LCMT1: variants seen among roughly 807,000 people sequenced by gnomAD.
LCMT1 encodes leucine carboxyl methyltransferase 1.
In LCMT1, 32 loss-of-function variants were observed where a neutral mutation model predicts 47.7. That is an observed-to-expected ratio of 0.67 (90% CI 0.51 to 0.90). The LOEUF (loss-of-function observed/expected upper bound fraction) is 0.90. LCMT1 is among the 40% of genes least tolerant of loss of function. The pLI is 0.00. For missense variants in LCMT1, 375 were observed against 415.2 expected, an observed-to-expected ratio of 0.90 and a Z score of 0.84; for synonymous variants, 152 against 149.7, an observed-to-expected ratio of 1.02 and a Z score of -0.11.
At chr16:25,153,464 C>T (rs550614534) in intron 5 of LCMT1, among the ~76,000 whole-genome samples, 1 of 146,388 alleles carries the variant, frequency 6.8e-6, no homozygotes, top group East Asian at 2.1e-4. Flanking sequence ...GGTGCAGACT[C>T]AGAACACACT....
At chr16:25,161,716 T>G (rs2141698782) in intron 6 of LCMT1, among the ~76,000 whole-genome samples, 1 of 152,240 alleles carries the variant, frequency 6.6e-6, no homozygotes, top group Non-Finnish European at 1.5e-5. Flanking sequence ...TAGTGCCTAA[T>G]TTCATATAAA....
chr16:25,156,527 C>G (rs144211785), intron 5 of LCMT1, among the ~76,000 whole-genome samples: 2 of 152,228 alleles, frequency 1.3e-5, no homozygotes, highest in South Asian at 4.1e-4. Context: ...TCAGTTGGGC[C>G]GTGAGGAGGA....
chr16:25,132,005 G>T (rs1469072733), intron 2 of LCMT1: 15 of 280,194 alleles, frequency 5.4e-5, no homozygotes, highest in Non-Finnish European at 7.2e-5. Context: ...TCAGTTTCCT[G>T]ACCCATACTA....
chr16:25,139,540 C>A (rs1270551544), intron 3 of LCMT1, among the ~76,000 whole-genome samples: 2 of 151,904 alleles, frequency 1.3e-5, no homozygotes, highest in Admixed American at 1.3e-4. Flanking sequence ...AAAAATATAT[C>A]AGAAAATAAT....
At chr16:25,148,183 A>G (rs1960930801) in intron 4 of LCMT1, 1 of 152,380 alleles carries the variant, frequency 6.6e-6, no homozygotes, top group African/African-American at 2.4e-5. Flanking sequence ...GCCAGCTTGG[A>G]TGGTTTCTTT....
chr16:25,135,255 G>A (rs1481217115), intron 3 of LCMT1, among the ~76,000 whole-genome samples: 4 of 150,202 alleles, frequency 2.7e-5, no homozygotes, highest in Non-Finnish European at 5.9e-5. Flanking sequence ...TGGGCTGAAG[G>A]CCTTTTTTTG....
intron 5 of LCMT1, among the ~76,000 whole-genome samples, chr16:25,157,970 TATTAGTC>T (rs1208027787): frequency 2.0e-5 from 3 of 152,212 alleles, no homozygotes; most frequent in Non-Finnish European, 4.4e-5. Context: ...CCTAACAACT[TATTAGTC>T]ATTTGAAAAA....
intron 5 of LCMT1, among the ~76,000 whole-genome samples, chr16:25,155,861 G>T (rs1165612976): frequency 1.3e-5 from 2 of 151,856 alleles, no homozygotes; most frequent in African/African-American, 4.8e-5. Flanking sequence ...TAAATTTTTT[G>T]GGGAGAGACA....
At chr16:25,174,697 C>T in intron 9 of LCMT1, 1 of 256,366 alleles carries the variant, frequency 3.9e-6, no homozygotes, top group East Asian at 7.5e-5. Context: ...CAGCCCTTTG[C>T]CACTTGAATT....
chr16:25,162,676 A>C (rs2141700249), intron 6 of LCMT1, among the ~76,000 whole-genome samples: 1 of 152,270 alleles, frequency 6.6e-6, no homozygotes, highest in East Asian at 1.9e-4. Flanking sequence ...TAGCAGTTGA[A>C]GATGCTGAAA....
At chr16:25,172,120 A>C (rs931983164) in intron 9 of LCMT1, among the ~76,000 whole-genome samples, 1 of 152,150 alleles carries the variant, frequency 6.6e-6, no homozygotes, top group Admixed American at 6.6e-5. Context: ...AGCCTGGCCA[A>C]CATGGTGAAA....
chr16:25,140,795 C>T, intron 4 of LCMT1: 1 of 153,794 alleles, frequency 6.5e-6, no homozygotes, highest in South Asian at 2.0e-4. Context: ...AGTGTTCCTT[C>T]CTGAGGTGGG....
At position 25,164,584 on chromosome 16, in the gene LCMT1, T is replaced by C; in HGVS notation, c.570-14T>C. 1.9e-6 allele frequency: 3 copies of C among 1,613,890 alleles called. No individual in the cohort carries two copies. The highest frequency in any genetic ancestry group is 1.1e-5 in the South Asian group (1 of 91,072). ...GATAACAAATTTATGTGCCTTTTTT[T>C]CCTTATCTTTAAGATTGCCAACACT... On this transcript the variant is annotated splice_polypyrimidine_tract_variant and intron_variant, in intron 6 of 10. Transcript: ENST00000399069.
intron 3 of LCMT1, among the ~76,000 whole-genome samples, chr16:25,133,844 G>A (rs1960424802): frequency 6.6e-6 from 1 of 150,812 alleles, no homozygotes; most frequent in African/African-American, 2.4e-5. Context: ...GACCAGCCTG[G>A]CCAACATGGT....
At chr16:25,168,598 A>G (rs1201127954) in intron 7 of LCMT1, among the ~76,000 whole-genome samples, 1 of 152,184 alleles carries the variant, frequency 6.6e-6, no homozygotes, top group African/African-American at 2.4e-5. Context: ...GAATTTTTCT[A>G]TGTACATAGA....
At chr16:25,155,873 G>C (rs1047028584) in intron 5 of LCMT1, among the ~76,000 whole-genome samples, 4 of 151,942 alleles carry the variant, frequency 2.6e-5, no homozygotes, top group Non-Finnish European at 4.4e-5. Context: ...GGAGAGACAG[G>C]GTCTCGCTAT....
chr16:25,160,137 C>A (rs553982553), intron 5 of LCMT1, among the ~76,000 whole-genome samples: 1 of 152,102 alleles, frequency 6.6e-6, no homozygotes, highest in East Asian at 1.9e-4. Context: ...TTAGTAGAGA[C>A]GGAGTTTTAC....
At chr16:25,162,396 C>A (rs1961457536) in intron 6 of LCMT1, among the ~76,000 whole-genome samples, 1 of 151,902 alleles carries the variant, frequency 6.6e-6, no homozygotes, top group African/African-American at 2.4e-5. Flanking sequence ...CGAGACCAGC[C>A]TGGCCAGCAT....
chr16:25,163,210 T>C (rs956127543), intron 6 of LCMT1, among the ~76,000 whole-genome samples: 3 of 152,358 alleles, frequency 2.0e-5, no homozygotes, highest in African/African-American at 4.8e-5. Context: ...GGCTCACGCC[T>C]GTAATCCCAG....
Sources: allele counts gnomAD v4.1 joint callset (sites outside exome capture counted in the v4.1 genomes callset), GRCh38; gene constraint gnomAD v4.1.1; transcripts MANE v1.5; gene names NCBI Gene and HGNC (gene_info 2026-07-23, HGNC 2026-07-21).